Variants in FNDC3A observed in about 807,000 individuals in gnomAD.
FNDC3A encodes fibronectin type III domain containing 3A.
A neutral mutation model predicts 148.9 loss-of-function variants in FNDC3A; 32 were observed. The observed-to-expected ratio is 0.21, with a 90% CI of 0.16 to 0.29. The LOEUF (loss-of-function observed/expected upper bound fraction) is 0.29. Among genes scored for constraint, FNDC3A ranks in the 10% least tolerant of loss-of-function variants. FNDC3A has a pLI of 1.00. For missense variants in FNDC3A, 1,191 were observed against 1,452.8 expected (o/e 0.82, Z 2.93); for synonymous variants, 472 against 473.6 (o/e 1.00, Z 0.04).
rs572038716 is a variant in FNDC3A at position 49,188,511 on chromosome 13, A to C, written c.1826-4A>C. On this transcript the variant is annotated splice_polypyrimidine_tract_variant and splice_region_variant and intron_variant, in intron 16 of 25. Coordinates refer to ENST00000492622, the MANE Select transcript of FNDC3A (RefSeq NM_001079673.2). Reference sequence around the variant, plus strand: ...CTGATTGAACACAATTCCTCACCTTACAGGAAACAAATGGGAAATGATATA... The same window carrying C: ...CTGATTGAACACAATTCCTCACCTTCCAGGAAACAAATGGGAAATGATATA... 1 of 1,588,370 alleles carries C rather than the reference A, an allele frequency of 6.3e-7. No individual in the cohort carries two copies.
At chr13:49,161,187 G>A (rs1362991484) in intron 8 of FNDC3A, among the ~76,000 whole-genome samples, 1 of 152,108 alleles carries the variant, frequency 6.6e-6, no homozygotes, top group Non-Finnish European at 1.5e-5. Context: ...TTAACTTTCT[G>A]TCTTGTTGAT....
At chr13:49,017,424 C>G (rs1872891394) in intron 2 of FNDC3A, among the ~76,000 whole-genome samples, 1 of 151,976 alleles carries the variant, frequency 6.6e-6, no homozygotes, top group African/African-American at 2.4e-5. Flanking sequence ...GGATTGCAAC[C>G]CCTGCCTTTT....
rs189189486 is a variant in FNDC3A at position 49,007,916 on chromosome 13, C to T, written c.99+1627C>T. Among the ~76,000 whole-genome samples the T allele has an allele frequency of 3.3e-5, 5 of 152,154 alleles. No homozygotes were observed. In the East Asian group the frequency reaches 9.6e-4, roughly 29 times the overall value. ...GTAGTTCGGTAGGGAGAGAGCTAAACACGAGTGGAAGAAAACACTGGACTG... is the reference window on the plus strand; with the variant it reads ...GTAGTTCGGTAGGGAGAGAGCTAAATACGAGTGGAAGAAAACACTGGACTG... On this transcript the variant is annotated intron_variant, in intron 2 of 25. Transcript: ENST00000492622.
At chr13:48,983,842 T>C (rs767906926) in intron 1 of FNDC3A, among the ~76,000 whole-genome samples, 8 of 152,120 alleles carry the variant, frequency 5.3e-5, no homozygotes, top group Non-Finnish European at 1.2e-4. Flanking sequence ...ACAACATTGG[T>C]TCAAAAGTCT....
intron 2 of FNDC3A, among the ~76,000 whole-genome samples, chr13:49,031,106 A>T (rs185247916): frequency 2.6e-5 from 4 of 152,310 alleles, no homozygotes; most frequent in Admixed American, 2.0e-4. Context: ...CTTACTGCAG[A>T]CTGGGTGCAA....
At chr13:48,984,329 TG>T (rs1191916059) in intron 1 of FNDC3A, among the ~76,000 whole-genome samples, 5 of 152,214 alleles carry the variant, frequency 3.3e-5, no homozygotes, top group Non-Finnish European at 7.3e-5. Context: ...GACAAACTGA[TG>T]GTTCAAGTTT....
At chr13:49,062,128 A>G (rs1173812819) in intron 2 of FNDC3A, among the ~76,000 whole-genome samples, 2 of 152,090 alleles carry the variant, frequency 1.3e-5, no homozygotes, top group Non-Finnish European at 2.9e-5. Context: ...TGCCTTTCTC[A>G]TAGAGACATC....
At chr13:49,012,920 C>T (rs1952385841) in intron 2 of FNDC3A, among the ~76,000 whole-genome samples, 1 of 151,644 alleles carries the variant, frequency 6.6e-6, no homozygotes, top group African/African-American at 2.4e-5. Flanking sequence ...TTGCTATACT[C>T]TTACTCATTT....
At chr13:49,148,285 T>C (rs958008415) in intron 8 of FNDC3A, among the ~76,000 whole-genome samples, 1 of 152,150 alleles carries the variant, frequency 6.6e-6, no homozygotes, top group Non-Finnish European at 1.5e-5. Flanking sequence ...AAATCTTTGC[T>C]TAAACCAGTG....
intron 5 of FNDC3A, among the ~76,000 whole-genome samples, chr13:49,132,962 A>G (rs967739462): frequency 2.0e-5 from 3 of 152,084 alleles, no homozygotes; most frequent in Admixed American, 6.6e-5. Flanking sequence ...TTTAATCACT[A>G]TTGTTTCCCT....
intron 2 of FNDC3A, among the ~76,000 whole-genome samples, chr13:49,027,752 A>T (rs1339558191): frequency 6.6e-6 from 1 of 152,174 alleles, no homozygotes; most frequent in East Asian, 1.9e-4. Flanking sequence ...ATCAGAACAT[A>T]TTTAACATAA....
At chr13:49,164,626 G>A (rs1884354514) in intron 8 of FNDC3A, among the ~76,000 whole-genome samples, 1 of 146,740 alleles carries the variant, frequency 6.8e-6, no homozygotes, top group Non-Finnish European at 1.5e-5. Flanking sequence ...TTTTTTTCTT[G>A]AGACAGAGTT....
intron 8 of FNDC3A, among the ~76,000 whole-genome samples, chr13:49,151,076 C>T (rs1319289680): frequency 6.6e-6 from 1 of 151,792 alleles, no homozygotes; most frequent in Non-Finnish European, 1.5e-5. Context: ...GAAATGTATT[C>T]ACAAAGGTCA....
At chr13:49,206,691 A>G (rs1272976425) in intron 25 of FNDC3A, among the ~76,000 whole-genome samples, 2 of 152,232 alleles carry the variant, frequency 1.3e-5, no homozygotes, top group Non-Finnish European at 2.9e-5. Context: ...CAGTTATACA[A>G]AGACATAATG....
chr13:49,166,334 G>A (rs993980441), intron 8 of FNDC3A, among the ~76,000 whole-genome samples: 2 of 152,196 alleles, frequency 1.3e-5, no homozygotes, highest in South Asian at 2.1e-4. Context: ...CAGTGGCTCA[G>A]GCTTTAGTCC....
At chr13:48,982,865 C>G (rs1436052059) in intron 1 of FNDC3A, among the ~76,000 whole-genome samples, 1 of 152,102 alleles carries the variant, frequency 6.6e-6, no homozygotes, top group African/African-American at 2.4e-5. Flanking sequence ...AGCCTTGGTT[C>G]GTTCATTTTA....
intron 11 of FNDC3A, among the ~76,000 whole-genome samples, chr13:49,174,136 CTAT>C (rs1337772457): frequency 6.6e-6 from 1 of 152,148 alleles, no homozygotes; most frequent in Non-Finnish European, 1.5e-5. Flanking sequence ...TGGTAGTCTT[CTAT>C]GGAGATTGTA....
chr13:48,985,838 G>T (rs1165453975), intron 1 of FNDC3A, among the ~76,000 whole-genome samples: 1 of 152,188 alleles, frequency 6.6e-6, no homozygotes, highest in Non-Finnish European at 1.5e-5. Context: ...ATGTTTGTAT[G>T]TGTATTTTCA....
intron 8 of FNDC3A, among the ~76,000 whole-genome samples, chr13:49,165,531 G>T (rs985034329): frequency 1.2e-4 from 19 of 152,130 alleles, no homozygotes; most frequent in African/African-American, 4.3e-4. Context: ...ATGTGAGGTG[G>T]GCCTGTCCTC....
Sources: gnomAD v4.1 joint callset for allele counts (sites outside exome capture counted in the v4.1 genomes callset) on GRCh38, gnomAD v4.1.1 for gene constraint, MANE v1.5 for transcripts, NCBI Gene and HGNC (gene_info 2026-07-23, HGNC 2026-07-21) for gene names.